ARHGAP39: variants seen among roughly 807,000 people sequenced by gnomAD.
ARHGAP39 encodes Rho GTPase activating protein 39.
Under a neutral mutation model 106.9 loss-of-function variants are expected in ARHGAP39, and 44 were observed. The observed-to-expected ratio is 0.41, with a 90% CI of 0.32 to 0.53. ARHGAP39 has a LOEUF of 0.53. ARHGAP39 is among the 20% of genes least tolerant of loss of function. The pLI, the probability that ARHGAP39 is intolerant of heterozygous loss-of-function variation, is 0.21. For synonymous variants in ARHGAP39, 768 were observed against 693.2 expected, an observed-to-expected ratio of 1.11 and a Z score of -1.69; for missense variants, 1,496 against 1,577.3, an observed-to-expected ratio of 0.95 and a Z score of 0.87.
At chr8:144,621,979 T>C (rs970233303) in intron 1 of ARHGAP39, among the ~76,000 whole-genome samples, 3 of 152,146 alleles carry the variant, frequency 2.0e-5, no homozygotes, top group African/African-American at 7.2e-5. Context: ...AGACTCAGAA[T>C]GCACAATGTT....
At chr8:144,690,887 G>A in the ARHGAP39 span, among the ~76,000 whole-genome samples, 1 of 151,156 alleles carries the variant, frequency 6.6e-6, no homozygotes, top group Non-Finnish European at 1.5e-5. Flanking sequence ...TGAACTCCTG[G>A]GCTCAAGTGA....
intron 1 of ARHGAP39, among the ~76,000 whole-genome samples, chr8:144,614,674 T>C (rs376654369): frequency 1.2e-4 from 18 of 152,310 alleles, no homozygotes; most frequent in African/African-American, 3.4e-4. Context: ...TTGAGCTTTG[T>C]TTTGGATCCA....
At chr8:144,673,917 G>A (rs527843378) in intron 1 of ARHGAP39, among the ~76,000 whole-genome samples, 3 of 152,222 alleles carry the variant, frequency 2.0e-5, no homozygotes, top group African/African-American at 7.2e-5. Context: ...CGAGGCTGCG[G>A]CTTGACCAGA....
intron 1 of ARHGAP39, among the ~76,000 whole-genome samples, chr8:144,620,535 G>C (rs1296933107): frequency 6.7e-6 from 1 of 149,172 alleles, no homozygotes; most frequent in Non-Finnish European, 1.5e-5. Context: ...CTGTGTCCCT[G>C]AGAGCATATA....
At chr8:144,537,920 G>A (rs1286301646) in intron 6 of ARHGAP39, 107 bp from the exon 7 acceptor site, 10 of 962,842 alleles carry the variant, frequency 1.0e-5, no homozygotes, top group African/African-American at 1.6e-5. Context: ...CCTGTTGGGG[G>A]CTCACCCTGT....
At chr8:144,602,034 A>T (rs1333486850) in intron 2 of ARHGAP39, among the ~76,000 whole-genome samples, 425 of 43,874 alleles carry the variant, frequency 9.7e-3, no homozygotes, top group Middle Eastern at 0.048. Context: ...TGTGCTCGTG[A>T]ACCTGTGTGT....
intron 1 of ARHGAP39, among the ~76,000 whole-genome samples, chr8:144,681,885 G>A (rs1035421528): frequency 6.6e-6 from 1 of 152,200 alleles, no homozygotes; most frequent in Non-Finnish European, 1.5e-5. Context: ...GTAAAGCTAA[G>A]ATACAGAGGG....
In ARHGAP39 at chr8:144,547,038, G is replaced by A. The variant is rs903700262; in HGVS notation, c.1959+89C>T. The A allele has an allele frequency of 6.6e-5, 94 of 1,422,422 alleles. No homozygotes were observed. In the Middle Eastern group the frequency reaches 1.2e-3, roughly 19 times the overall value. 88.1% of individuals were successfully genotyped at this position (1,422,422 alleles called of 1,614,324 possible). A position where few individuals can be genotyped will look rare whatever the true frequency, so the allele number is the denominator to read the frequency against. Reference sequence around the variant, plus strand: ...TGCGTGCTGCGTGCACGCCCTGGACGCCAGGTCTCCTGTGCCTGGCCCACG... The same window carrying A: ...TGCGTGCTGCGTGCACGCCCTGGACACCAGGTCTCCTGTGCCTGGCCCACG... On this transcript the variant is annotated intron_variant, in intron 5 of 11. Coordinates refer to ENST00000377307, the MANE Select transcript of ARHGAP39 (RefSeq NM_025251.3). The surrounding 1 kb of genome is among the most constrained non-coding windows in gnomAD (Gnocchi z 5.2).
intron 1 of ARHGAP39, among the ~76,000 whole-genome samples, chr8:144,606,909 C>T (rs1820311876): frequency 6.7e-6 from 1 of 149,086 alleles, no homozygotes; most frequent in South Asian, 2.1e-4. Context: ...CTTAATTGGA[C>T]ACACACAAAA....
rs559809436 is a variant in ARHGAP39, at chr8:144,591,256, G to C, written c.81-9979C>G. Among the ~76,000 whole-genome samples, 15 of 152,224 alleles carry C rather than the reference G, an allele frequency of 9.9e-5. No homozygotes were observed. Among genetic ancestry groups the C allele is most frequent in the Non-Finnish European group, 1.9e-4 (13 of 68,038 alleles). ...GCTGCTCTGTGCTCCCGTGAGCACA[G>C]ACCTGCAGGGGAGGGTGGCGCGTGT... On this transcript the variant is annotated intron_variant, in intron 2 of 11. Coordinates refer to ENST00000377307, the MANE Select transcript of ARHGAP39 (RefSeq NM_025251.3). This position sits in a 1 kb window ranked among gnomAD's most constrained non-coding sequence, Gnocchi z 5.3.
intron 2 of ARHGAP39, among the ~76,000 whole-genome samples, chr8:144,600,287 C>T (rs1819808684): frequency 7.3e-6 from 1 of 136,184 alleles, no homozygotes; most frequent in African/African-American, 2.8e-5. Context: ...CTCCTGTACC[C>T]ACCTGCGTGT....
chr8:144,579,201 C>CAAAAAAAA (rs541332282), intron 3 of ARHGAP39, among the ~76,000 whole-genome samples: 434 of 39,888 alleles, frequency 0.011, 21 homozygotes, highest in African/African-American at 0.031. Context: ...GACTCTGTCT[C>CAAAAAAAA]AAAAAAAAAA....
At chr8:144,538,553 G>A (rs1197494999) in intron 6 of ARHGAP39, among the ~76,000 whole-genome samples, 1 of 152,172 alleles carries the variant, frequency 6.6e-6, no homozygotes, top group African/African-American at 2.4e-5. Context: ...ATTTATATCA[G>A]TATGGACTTA....
chr8:144,612,868 T>C (rs2130957592), intron 1 of ARHGAP39, among the ~76,000 whole-genome samples: 1 of 152,388 alleles, frequency 6.6e-6, no homozygotes, highest in African/African-American at 2.4e-5. Context: ...AAAAGGTTTA[T>C]TTTAGCCCAC....
rs545655320 is a variant in ARHGAP39 at position 144,644,582 on chromosome 8, C to T, written c.-81-38887G>A. ...AAACACTGCCAAATGCACGCCGGCT[C>T]GTGGCGGCACCCCTTCCGGCTTCCA... On this transcript the variant is annotated intron_variant, in intron 1 of 11. Transcript: ENST00000377307. The surrounding 1 kb of genome is among the most constrained non-coding windows in gnomAD (Gnocchi z 4.8). 1.3e-5 allele frequency among the ~76,000 whole-genome samples: 2 copies of T among 152,352 alleles called. No homozygotes were observed. The highest frequency in any genetic ancestry group is 2.1e-4 in the South Asian group (1 of 4,830).
At chr8:144,658,447 T>A (rs1821749446) in intron 1 of ARHGAP39, among the ~76,000 whole-genome samples, 1 of 152,192 alleles carries the variant, frequency 6.6e-6, no homozygotes. Flanking sequence ...GCTAATTTTG[T>A]ATTTTTTAGT....
At chr8:144,560,846 A>G (rs1818115860) in intron 3 of ARHGAP39, among the ~76,000 whole-genome samples, 1 of 152,254 alleles carries the variant, frequency 6.6e-6, no homozygotes, top group African/African-American at 2.4e-5. Context: ...CATTTTAAAC[A>G]GAAACAGAAA....
Position 144,548,593 on chromosome 8 carries a change from T to C in ARHGAP39, c.597-104A>G. On this transcript the variant is annotated intron_variant, in intron 4 of 11. Transcript: ENST00000377307. The surrounding 1 kb of genome is among the most constrained non-coding windows in gnomAD (Gnocchi z 7.4). ...GCAGCGGCTCCCGCGAACCCTCTGT[T>C]GTACACCTTCCTCGCTGGGGCCCTG... 4 of 1,418,390 alleles carry C rather than the reference T, an allele frequency of 2.8e-6. No homozygotes were observed. Among genetic ancestry groups the C allele is most frequent in the South Asian group, 1.4e-5 (1 of 70,724 alleles). The allele number at this position is 1,418,390 out of a possible 1,614,324, so 87.9% of individuals were successfully genotyped here. A position where few individuals can be genotyped will look rare whatever the true frequency, so the allele number is the denominator to read the frequency against.
In ARHGAP39 at chr8:144,530,284, C is replaced by CGGGGCCA. The variant is rs1052407164; in HGVS notation, c.*131_*137dup. 31 of 959,826 alleles carry CGGGGCCA rather than the reference C, an allele frequency of 3.2e-5. No individual in the cohort carries two copies. The highest frequency in any genetic ancestry group is 4.2e-5 in the Non-Finnish European group (28 of 661,358). 59.5% of individuals were successfully genotyped at this position (959,826 alleles called of 1,614,324 possible). Reference sequence around the variant, plus strand: ...ACCAGGCAGAAGACGTGGGGAGCGCCGGGGCCAGGGGCCTGGGGGAGTGGA... The same window carrying CGGGGCCA: ...ACCAGGCAGAAGACGTGGGGAGCGCCGGGGCCAGGGGCCAGGGGCCTGGGGGAGTGGA... On this transcript the variant is annotated 3_prime_UTR_variant, in exon 12 of 12. Coordinates refer to ENST00000377307, the MANE Select transcript of ARHGAP39 (RefSeq NM_025251.3).
Sources: gnomAD v4.1 joint callset for allele counts (sites outside exome capture counted in the v4.1 genomes callset) on GRCh38, gnomAD v4.1.1 for gene constraint, Gnocchi (gnomAD v3.1) non-coding constraint, MANE v1.5 for transcripts, NCBI Gene and HGNC (gene_info 2026-07-23, HGNC 2026-07-21) for gene names.